The following WDFY4 variants were observed in gnomAD, a reference collection of about 807,000 sequenced individuals.
The protein encoded by WDFY4 is WD repeat- and FYVE domain-containing protein 4.
Under a neutral mutation model 351.9 loss-of-function variants are expected in WDFY4, and 169 were observed. That is an observed-to-expected ratio of 0.48 (90% CI 0.42 to 0.55). The LOEUF is 0.55. WDFY4 is among the 20% of genes least tolerant of loss of function. The pLI is 0.00. For missense variants in WDFY4, 3,803 were observed against 3,935.6 expected (o/e 0.97, Z 0.90); for synonymous variants, 1,622 against 1,574.6 (o/e 1.03, Z -0.71).
In WDFY4 at chr10:48,822,402, T is replaced by C. The variant is rs527434314; in HGVS notation, c.5847T>C (p.Ser1949=). The change falls in exon 35 of 62, where the codon AGT becomes AGC. Residue 1949 remains serine (S), a synonymous_variant. Coordinates refer to ENST00000325239, the MANE Select transcript of WDFY4 (RefSeq NM_001394531.1). ...CAGACGGCAAAGAGCCTCAGCCAAG[T>C]GCAGAAGCTGCTGCTGCCCCTTCTC... ...MFRDGKEPQP[S]AEAAAAPSLA... is the part of the protein sequence containing the mutation. 6.5e-7 allele frequency: 1 copy of C among 1,549,548 alleles called. No individual in the cohort carries two copies. The highest frequency in any genetic ancestry group is 2.4e-5 in the East Asian group (1 of 40,876).
intron 37 of WDFY4, among the ~76,000 whole-genome samples, chr10:48,829,874 C>T (rs79864983): frequency 5.3e-4 from 80 of 152,302 alleles, no homozygotes; most frequent in African/African-American, 1.9e-3. Context: ...ATTGTACACA[C>T]AGGGCCTCTG....
At chr10:48,839,764 C>T (rs115000315) in intron 39 of WDFY4, among the ~76,000 whole-genome samples, 4 of 152,082 alleles carry the variant, frequency 2.6e-5, no homozygotes, top group Non-Finnish European at 4.4e-5. Flanking sequence ...CTTTTGAGTA[C>T]GTAATTAAAG....
At chr10:48,886,928 G>A (rs74330667) in intron 43 of WDFY4, among the ~76,000 whole-genome samples, 2,641 of 152,358 alleles carry the variant, frequency 0.017, 79 homozygotes, top group African/African-American at 0.058. Context: ...TGGCATAAGG[G>A]ATTTCTTAAT....
At chr10:48,857,062 A>G (rs1367030616) in intron 39 of WDFY4, among the ~76,000 whole-genome samples, 3 of 152,216 alleles carry the variant, frequency 2.0e-5, no homozygotes, top group Non-Finnish European at 4.4e-5. Context: ...GCTGCCAAAT[A>G]CTCATGCCAA....
At chr10:48,813,418 A>T (rs2067522640) in intron 30 of WDFY4, among the ~76,000 whole-genome samples, 1 of 152,194 alleles carries the variant, frequency 6.6e-6, no homozygotes, top group Non-Finnish European at 1.5e-5. Context: ...CTTGTGATAG[A>T]TGTTTTACAT....
In WDFY4 at chr10:48,759,463, T is replaced by A. The variant is rs117345208; in HGVS notation, c.2460-884T>A. On this transcript the variant is annotated intron_variant, in intron 12 of 61. Coordinates refer to ENST00000325239, the MANE Select transcript of WDFY4 (RefSeq NM_001394531.1). ...GAAAAGGAGAAAAGAGCAATGGGAA[T>A]TTTACCTACACTCTTGGGACTACAG... Among the ~76,000 whole-genome samples, 68 of 152,236 alleles carry A rather than the reference T, an allele frequency of 4.5e-4. 1 individual carries two copies. The East Asian group carries it at 0.013, about 28-fold the overall frequency.
intron 24 of WDFY4, among the ~76,000 whole-genome samples, chr10:48,797,059 G>A (rs1334250994): frequency 6.6e-6 from 1 of 152,216 alleles, no homozygotes. Flanking sequence ...ATGTAACACT[G>A]CAAATGCTAG....
chr10:48,806,118 G>C (rs978367009), intron 27 of WDFY4, 23 bp downstream of exon 27: 1 of 1,550,290 alleles, frequency 6.5e-7, no homozygotes, highest in East Asian at 2.4e-5. Flanking sequence ...TTGCCAGTTC[G>C]AAGGCAGTAG....
chr10:48,811,539 A>G lies in WDFY4; in HGVS notation c.5045A>G (p.Asp1682Gly). The G allele has an allele frequency of 6.4e-7, 1 of 1,552,106 alleles. No homozygotes were observed. The highest frequency in any genetic ancestry group is 8.7e-7 in the Non-Finnish European group (1 of 1,147,048). ...TGTGCCCCCTTTGCCTGATCAATAG[A>G]CAACCTGAAGAGCCAGTCACCACTG... ...RSTEGVDIVM[D>G]NLKSQSPLPE... Residue 1682 changes from aspartate to glycine, a missense_variant and splice_region_variant, in exon 30 of 62, where the codon GAC becomes GGC. Around this residue, in one of 3 missense-constraint regions of WDFY4, gnomAD observed 3,054 missense variants for 3,148.6 expected, o/e 0.97. Coordinates refer to ENST00000325239, the MANE Select transcript of WDFY4 (RefSeq NM_001394531.1).
Position 48,787,891 on chromosome 10 carries a change from C to CT in WDFY4, c.3809-638dup, listed in dbSNP as rs1334393471. ...TCTTTCTTCTTTCTTTCTTCTTCTTCTCCTTCTTCTTCTTCTTCTTCTTCT... is the reference window on the plus strand; with the variant it reads ...TCTTTCTTCTTTCTTTCTTCTTCTTCTTCCTTCTTCTTCTTCTTCTTCTTCT... On this transcript the variant is annotated intron_variant, in intron 20 of 61. Transcript: ENST00000325239. 2.1e-3 allele frequency among the ~76,000 whole-genome samples: 139 copies of CT among 66,794 alleles called. 13 individuals are homozygous for CT. The highest frequency in any genetic ancestry group is 8.2e-3 in the African/African-American group (82 of 10,048). The allele number at this position is 66,794 out of a possible 152,430, so 43.8% of individuals were successfully genotyped here. A position where few individuals can be genotyped will look rare whatever the true frequency, so the allele number is the denominator to read the frequency against.
intron 52 of WDFY4, 138 bp from the exon 53 acceptor site, chr10:48,959,584 C>A: frequency 2.6e-6 from 2 of 765,236 alleles, no homozygotes; most frequent in Non-Finnish European, 4.3e-6. Flanking sequence ...AGATTGAAAG[C>A]AGCATGGTCT....
intron 13 of WDFY4, among the ~76,000 whole-genome samples, chr10:48,769,373 A>G (rs1257724062): frequency 6.6e-6 from 1 of 152,250 alleles, no homozygotes; most frequent in Non-Finnish European, 1.5e-5. Context: ...GGTAAAAGCC[A>G]TAACTTGTCA....
chr10:48,696,061 C>A (rs2063322864), intron 1 of WDFY4, among the ~76,000 whole-genome samples: 1 of 152,194 alleles, frequency 6.6e-6, no homozygotes, highest in Non-Finnish European at 1.5e-5. Context: ...TTCAGGGGAT[C>A]CCCTGAACTT....
chr10:48,958,590 C>T (rs1003170477), intron 52 of WDFY4, among the ~76,000 whole-genome samples: 1 of 152,150 alleles, frequency 6.6e-6, no homozygotes, highest in Non-Finnish European at 1.5e-5. Context: ...TGAGCACCTA[C>T]TGTATATAGG....
intron 2 of WDFY4, among the ~76,000 whole-genome samples, chr10:48,712,812 T>A (rs2063801165): frequency 6.7e-6 from 1 of 148,792 alleles, no homozygotes; most frequent in Non-Finnish European, 1.5e-5. Flanking sequence ...AAGTTCCCCC[T>A]TGGAAATAAC....
chr10:48,768,290 T>C (rs7904251), intron 13 of WDFY4, among the ~76,000 whole-genome samples: 70,561 of 151,980 alleles, frequency 0.46, 16,588 homozygotes, highest in Middle Eastern at 0.63. Context: ...TTCAGGGCTC[T>C]ATGCACAGTG....
At chr10:48,974,803 A>C (rs192854915) in intron 57 of WDFY4, 59 bp from the exon 58 acceptor site, 237 of 1,455,610 alleles carry the variant, frequency 1.6e-4, no homozygotes, top group Admixed American at 5.7e-4. Context: ...AGGGTGAAGA[A>C]TTCCCAAAAG....
intron 44 of WDFY4, among the ~76,000 whole-genome samples, chr10:48,893,578 T>A (rs1467184179): frequency 6.6e-6 from 1 of 152,228 alleles, no homozygotes; most frequent in Non-Finnish European, 1.5e-5. Flanking sequence ...TTATTGAAAA[T>A]CTGTCTTATG....
intron 22 of WDFY4, 92 bp from the exon 23 acceptor site, chr10:48,790,635 G>C: frequency 7.1e-7 from 1 of 1,406,708 alleles, no homozygotes; most frequent in Non-Finnish European, 9.6e-7. Context: ...TGGTGGCACT[G>C]GTAGCTCATT....
Sources: gnomAD v4.1 joint callset for allele counts (sites outside exome capture counted in the v4.1 genomes callset) on GRCh38, gnomAD v4.1.1 for gene constraint, gnomAD v4.1.1 regional missense constraint, MANE v1.5 for transcripts, NCBI Gene and HGNC (gene_info 2026-07-23, HGNC 2026-07-21) for gene names.